Variants in SF3B1 observed in about 807,000 individuals in gnomAD.
SF3B1 encodes the protein splicing factor 3b subunit 1, also known as pre-mRNA processing 10.
In SF3B1, 12 loss-of-function variants were observed where a neutral mutation model predicts 153.8. That is an observed-to-expected ratio of 0.08 (90% CI 0.05 to 0.13). The LOEUF (loss-of-function observed/expected upper bound fraction) is 0.13. Ranked by LOEUF, SF3B1 falls within the 10% of genes least tolerant of loss-of-function variation. The pLI, the probability that SF3B1 is intolerant of heterozygous loss-of-function variation, is 1.00. For missense variants in SF3B1, 513 were observed against 1,606.1 expected, an observed-to-expected ratio of 0.32 and a Z score of 11.63; for synonymous variants, 498 against 525.2, an observed-to-expected ratio of 0.95 and a Z score of 0.71.
chr2:197,408,202 C>A (rs2105994053), intron 8 of SF3B1, 83 bp from the exon 9 acceptor site: 1 of 1,352,560 alleles, frequency 7.4e-7, no homozygotes, highest in Non-Finnish European at 1.0e-6. Flanking sequence ...CAGTTAAGAT[C>A]AATCCTATTA....
In SF3B1 at chr2:197,390,365, A is replaced by G. The variant is rs1024782115; in HGVS notation, c.*1938T>C. 1 of 152,244 alleles carries G rather than the reference A, an allele frequency of 6.6e-6. No homozygotes were observed. Among genetic ancestry groups the G allele is most frequent in the Admixed American group, 6.5e-5 (1 of 15,286 alleles). 9.4% of individuals were successfully genotyped at this position (152,244 alleles called of 1,614,324 possible). A position where few individuals can be genotyped will look rare whatever the true frequency, so the allele number is the denominator to read the frequency against. On this transcript the variant is annotated 3_prime_UTR_variant, in exon 25 of 25. Transcript: ENST00000335508. ...ATTTAACATCAAATTTTGGCTTTGT[A>G]ATCTATTTGTATTCAATTCTCAGTC...
chr2:197,403,195 C>T (rs1315014393), intron 12 of SF3B1, among the ~76,000 whole-genome samples, 160 bp from the exon 13 acceptor site: 1 of 152,052 alleles, frequency 6.6e-6, no homozygotes, highest in African/African-American at 2.4e-5. Flanking sequence ...GTTCAAACTC[C>T]AGACAGAGAT....
chr2:197,411,279 T>C (rs1041624940), intron 6 of SF3B1, among the ~76,000 whole-genome samples: 7 of 152,166 alleles, frequency 4.6e-5, no homozygotes, highest in African/African-American at 1.4e-4. Flanking sequence ...CATATCAAAG[T>C]AGCATAGAGT....
rs2105982960 is a variant in SF3B1, at chr2:197,400,897, C to T, written c.2536G>A (p.Ala846Thr). 1 of 1,613,628 alleles carries T rather than the reference C, an allele frequency of 6.2e-7. No homozygotes were observed. The highest frequency in any genetic ancestry group is 1.1e-5 in the South Asian group (1 of 91,072). The change falls in exon 18 of 25, where the codon GCA becomes ACA. Residue 846 changes from alanine (A) to threonine (T), a missense_variant. Coordinates refer to ENST00000335508, the MANE Select transcript of SF3B1 (RefSeq NM_012433.4). The surrounding 1 kb of genome is among the most constrained non-coding windows in gnomAD (Gnocchi z 5.0). The stretch of plus-strand genomic sequence containing the variant: ...ACAATCCTGGATATAATTTCTGCTG[C>T]ACCTACTTTGTTTGCCAACTCCACA... Reference protein sequence around the residue: ...TTVELANKVGAAEIISRIVDD... With the variant: ...TTVELANKVGTAEIISRIVDD...
At position 197,408,399 on chromosome 2, in the gene SF3B1, G is replaced by C. The variant is rs1162516766; in HGVS notation, c.1087C>G (p.Pro363Ala). The C allele has an allele frequency of 6.2e-7, 1 of 1,614,114 alleles. No homozygotes were observed. The highest frequency in any genetic ancestry group is 8.5e-7 in the Non-Finnish European group (1 of 1,180,000). Residue 363 changes from proline (P) to alanine (A), a missense_variant, in exon 8 of 25, where the codon CCA becomes GCA. Physicochemically the swap from Pro to Ala is conservative, Grantham distance 27 (BLOSUM62 -1). Around this residue, in one of 21 missense-constraint regions of SF3B1, gnomAD observed 91 missense variants for 157.4 expected, o/e 0.58. Transcript: ENST00000335508. Reference protein sequence around the residue: ...LTPGKTPIGTPAMNMATPTPG... With the variant: ...LTPGKTPIGTAAMNMATPTPG... ...GTAGGGGTAGCCATGTTCATGGCTG[G>C]TGTGCCAATTGGTGTCTTTCCAGGG...
intron 4 of SF3B1, 69 bp from the exon 5 acceptor site, chr2:197,418,657 T>C: frequency 6.5e-7 from 1 of 1,549,488 alleles, no homozygotes; most frequent in Middle Eastern, 1.8e-4. Context: ...AACTGATTTA[T>C]CTGCCCTGCT....
At chr2:197,419,238 T>C (rs1331034848) in intron 4 of SF3B1, 3 of 400,782 alleles carry the variant, frequency 7.5e-6, no homozygotes, top group East Asian at 7.8e-5. Context: ...TGGAAACATA[T>C]TACTTTAAAT....
In SF3B1 at chr2:197,392,152, G is replaced by C; in HGVS notation, c.*151C>G. 4.3e-6 allele frequency: 2 copies of C among 465,782 alleles called. No individual in the cohort carries two copies. Among genetic ancestry groups the C allele is most frequent in the Non-Finnish European group, 7.6e-6 (2 of 263,348 alleles). The allele number at this position is 465,782 out of a possible 1,614,324, so 28.9% of individuals were successfully genotyped here. A position where few individuals can be genotyped will look rare whatever the true frequency, so the allele number is the denominator to read the frequency against. Reference sequence around the variant, plus strand: ...CTGTTTAACATCAAAAACAAAGACAGGTTATTTAAAAATCATGCTACTGGA... The same window carrying C: ...CTGTTTAACATCAAAAACAAAGACACGTTATTTAAAAATCATGCTACTGGA... On this transcript the variant is annotated 3_prime_UTR_variant, in exon 25 of 25. Coordinates refer to ENST00000335508, the MANE Select transcript of SF3B1 (RefSeq NM_012433.4).
chr2:197,425,719 G>C (rs1350792511), intron 1 of SF3B1, among the ~76,000 whole-genome samples: 1 of 152,006 alleles, frequency 6.6e-6, no homozygotes, highest in Non-Finnish European at 1.5e-5. Flanking sequence ...ACAAACTGGA[G>C]GCAGACGCGG....
intron 1 of SF3B1, among the ~76,000 whole-genome samples, chr2:197,427,338 A>G (rs1279210433): frequency 6.6e-6 from 1 of 152,248 alleles, no homozygotes; most frequent in African/African-American, 2.4e-5. Context: ...AACTATAGAT[A>G]TAAAGTCCAA....
At chr2:197,429,581 C>T (rs963466482) in intron 1 of SF3B1, among the ~76,000 whole-genome samples, 8 of 152,204 alleles carry the variant, frequency 5.3e-5, no homozygotes, top group South Asian at 2.1e-4. Flanking sequence ...GTCAGGAGTT[C>T]GAGACCAGTC....
At chr2:197,419,319 T>C (rs911568334) in intron 4 of SF3B1, 51 of 268,562 alleles carry the variant, frequency 1.9e-4, no homozygotes, top group Non-Finnish European at 2.7e-4. Flanking sequence ...GTCAGTCTCT[T>C]GGTTAAAGTT....
At position 197,418,595 on chromosome 2, in the gene SF3B1, A is replaced by G; in HGVS notation, c.416-7T>C. On this transcript the variant is annotated splice_region_variant and splice_polypyrimidine_tract_variant and intron_variant, in intron 4 of 24. Coordinates refer to ENST00000335508, the MANE Select transcript of SF3B1 (RefSeq NM_012433.4). Reference sequence around the variant, plus strand: ...GGATCAGGGGTTTTCCCTCCTGCAGAAAAGAACAGCAACAGGAAAAAGAGT... The same window carrying G: ...GGATCAGGGGTTTTCCCTCCTGCAGGAAAGAACAGCAACAGGAAAAAGAGT... The G allele has an allele frequency of 6.2e-7, 1 of 1,608,616 alleles. No homozygotes were observed. The highest frequency in any genetic ancestry group is 8.5e-7 in the Non-Finnish European group (1 of 1,176,912).
At chr2:197,410,292 G>A (rs150873163) in intron 6 of SF3B1, among the ~76,000 whole-genome samples, 11 of 152,182 alleles carry the variant, frequency 7.2e-5, no homozygotes, top group Non-Finnish European at 1.5e-4. Context: ...TAATAGCTCT[G>A]TGACTGGGGG....
rs757576642 is a variant in SF3B1, at chr2:197,407,974, C to T, written c.1239+24G>A. 39 of 1,602,720 alleles carry T rather than the reference C, an allele frequency of 2.4e-5. No individual in the cohort carries two copies. The Admixed American group carries it at 5.9e-4, about 24-fold the overall frequency. ...AAATAAATGTATATCCTAAATACCACCTCATTCAAATTTGATGTACTACCT... is the reference window on the plus strand; with the variant it reads ...AAATAAATGTATATCCTAAATACCATCTCATTCAAATTTGATGTACTACCT... On this transcript the variant is annotated intron_variant, in intron 9 of 24. Transcript: ENST00000335508.
rs961787564 is a variant in SF3B1, at chr2:197,421,013, T to C, written c.300+16A>G. On this transcript the variant is annotated intron_variant, in intron 3 of 24. Transcript: ENST00000335508. ...TCTTTAGCTGAATAAACTATGCTTTTAAAATGAAAGATCACCTGTTCTGTT... is the reference window on the plus strand; with the variant it reads ...TCTTTAGCTGAATAAACTATGCTTTCAAAATGAAAGATCACCTGTTCTGTT... 2 of 1,508,968 alleles carry C rather than the reference T, an allele frequency of 1.3e-6. No individual in the cohort carries two copies. The highest frequency in any genetic ancestry group is 1.4e-5 in the African/African-American group (1 of 72,070). 93.5% of individuals were successfully genotyped at this position (1,508,968 alleles called of 1,614,324 possible).
At chr2:197,418,963 T>C in intron 4 of SF3B1, 1 of 1,586,506 alleles carries the variant, frequency 6.3e-7, no homozygotes, top group Non-Finnish European at 8.6e-7. Context: ...TAGAAAATTA[T>C]CTCTTTACCA....
At chr2:197,433,460 T>C (rs535028522) in intron 1 of SF3B1, among the ~76,000 whole-genome samples, 1 of 152,236 alleles carries the variant, frequency 6.6e-6, no homozygotes, top group South Asian at 2.1e-4. Flanking sequence ...ATGAATAACA[T>C]CCTGAATGAA....
At position 197,418,594 on chromosome 2, in the gene SF3B1, G is replaced by A. The variant is rs2106007941; in HGVS notation, c.416-6C>T. The A allele has an allele frequency of 6.2e-7, 1 of 1,608,436 alleles. No individual in the cohort carries two copies. The highest frequency in any genetic ancestry group is 2.2e-5 in the East Asian group (1 of 44,776). On this transcript the variant is annotated splice_region_variant and splice_polypyrimidine_tract_variant and intron_variant, in intron 4 of 24. Transcript: ENST00000335508. ...AGGATCAGGGGTTTTCCCTCCTGCAGAAAAGAACAGCAACAGGAAAAAGAG... is the reference window on the plus strand; with the variant it reads ...AGGATCAGGGGTTTTCCCTCCTGCAAAAAAGAACAGCAACAGGAAAAAGAG...
Sources: allele counts gnomAD v4.1 joint callset (sites outside exome capture counted in the v4.1 genomes callset), GRCh38; gene constraint gnomAD v4.1.1; regional missense constraint gnomAD v4.1.1; non-coding constraint Gnocchi (gnomAD v3.1); transcripts MANE v1.5; gene names NCBI Gene and HGNC (gene_info 2026-07-23, HGNC 2026-07-21).